Variants in SAR1A observed in about 807,000 individuals in gnomAD.
SAR1A encodes the protein secretion associated Ras related GTPase 1A.
A neutral mutation model predicts 22.6 loss-of-function variants in SAR1A; 6 were observed. That is an observed-to-expected ratio of 0.27 (90% confidence interval 0.15 to 0.52). SAR1A has a LOEUF of 0.52. SAR1A is among the 20% of genes least tolerant of loss of function. The pLI, the probability that SAR1A is intolerant of heterozygous loss-of-function variation, is 0.96. For synonymous variants in SAR1A, 70 were observed against 82.2 expected (o/e 0.85, Z 0.80); for missense variants, 145 against 245.1 (o/e 0.59, Z 2.73).
intron 5 of SAR1A, among the ~76,000 whole-genome samples, chr10:70,154,606 T>C (rs1339411505): frequency 6.6e-6 from 1 of 152,100 alleles, no homozygotes; most frequent in Non-Finnish European, 1.5e-5. Context: ...TACAGGCATG[T>C]GCTACCACGC....
chr10:70,158,697 A>G (rs188881690), intron 4 of SAR1A, among the ~76,000 whole-genome samples: 1 of 145,540 alleles, frequency 6.9e-6, no homozygotes, highest in Admixed American at 6.9e-5. Flanking sequence ...CCGTAGTTCT[A>G]TACTGATTTT....
At chr10:70,164,469 T>C (rs1839519529) in intron 1 of SAR1A, among the ~76,000 whole-genome samples, 2 of 152,318 alleles carry the variant, frequency 1.3e-5, no homozygotes, top group South Asian at 4.1e-4. Context: ...GGTGTTGAAG[T>C]ATGGAGTTGT....
chr10:70,152,314 C>A lies in SAR1A; in HGVS notation c.*162G>T. On this transcript the variant is annotated 3_prime_UTR_variant, in exon 7 of 7. Coordinates refer to ENST00000373241, the MANE Select transcript of SAR1A (RefSeq NM_020150.5). ...CCTCCCAACAGTGTGGAGAAGAGCA[C>A]ATGTCACCACTGGGCAATGAGAGAG... 2 of 895,766 alleles carry A rather than the reference C, an allele frequency of 2.2e-6. No individual in the cohort carries two copies. The highest frequency in any genetic ancestry group is 1.4e-5 in the South Asian group (1 of 70,210). 55.5% of individuals were successfully genotyped at this position (895,766 alleles called of 1,614,324 possible). A position where few individuals can be genotyped will look rare whatever the true frequency, so the allele number is the denominator to read the frequency against.
At chr10:70,161,238 A>G in intron 3 of SAR1A, 169 bp from the exon 4 acceptor site, 1 of 578,984 alleles carries the variant, frequency 1.7e-6, no homozygotes, top group East Asian at 3.0e-5. Context: ...TGAGGGCAGG[A>G]GGATAATCTG....
At chr10:70,154,561 G>A (rs374769417) in intron 5 of SAR1A, among the ~76,000 whole-genome samples, 1 of 150,650 alleles carries the variant, frequency 6.6e-6, no homozygotes, top group Non-Finnish European at 1.5e-5. Context: ...AGGTTCAAGC[G>A]ATTCTCCCAC....
chr10:70,170,302 A>G (rs1228647142), intron 1 of SAR1A, 111 bp downstream of exon 1: 1 of 101,832 alleles, frequency 9.8e-6, no homozygotes, highest in Non-Finnish European at 1.9e-5. Flanking sequence ...CCTGCGTGTC[A>G]CTTCCCCCCC....
Position 70,152,602 on chromosome 10 carries a change from G to A in SAR1A, c.481-10C>T, listed in dbSNP as rs1265940212. ...TCAGGGTCACATTCCCCTAAAGGAG[G>A]CAAAACCAAGAAAGGCCTGTTAGCA... is the stretch of plus-strand genomic sequence containing the variant. On this transcript the variant is annotated splice_polypyrimidine_tract_variant and intron_variant, in intron 6 of 6. Transcript: ENST00000373241. The A allele has an allele frequency of 6.4e-7, 1 of 1,570,932 alleles. No homozygotes were observed. The highest frequency in any genetic ancestry group is 8.8e-7 in the Non-Finnish European group (1 of 1,140,880).
At chr10:70,154,301 T>C (rs919595513) in intron 5 of SAR1A, among the ~76,000 whole-genome samples, 3 of 152,170 alleles carry the variant, frequency 2.0e-5, no homozygotes, top group African/African-American at 7.2e-5. Context: ...CAAAGTCCTA[T>C]AAGAATGAAT....
At chr10:70,157,533 G>C in intron 5 of SAR1A, 1 of 476,022 alleles carries the variant, frequency 2.1e-6, no homozygotes. Flanking sequence ...TATAATCACT[G>C]TATGATAGAA....
intron 3 of SAR1A, 54 bp downstream of exon 3, chr10:70,161,565 C>A: frequency 1.2e-6 from 2 of 1,600,406 alleles, no homozygotes; most frequent in Non-Finnish European, 1.7e-6. Flanking sequence ...TCATCCTCCA[C>A]GCCTAACACT....
rs1839330101 is a variant in SAR1A, at chr10:70,151,831, C to A, written c.*645G>T. The A allele has an allele frequency of 6.5e-6, 1 of 153,220 alleles. No homozygotes were observed. Among genetic ancestry groups the A allele is most frequent in the South Asian group, 2.1e-4 (1 of 4,876 alleles). The allele number at this position is 153,220 out of a possible 1,614,324, so 9.5% of individuals were successfully genotyped here. Reference sequence around the variant, plus strand: ...CCTAGCTTACCACAGTGGAAACCTGCCACAACTGCAAGGCCGGGGTTCTGC... The same window carrying A: ...CCTAGCTTACCACAGTGGAAACCTGACACAACTGCAAGGCCGGGGTTCTGC... On this transcript the variant is annotated 3_prime_UTR_variant, in exon 7 of 7. Coordinates refer to ENST00000373241, the MANE Select transcript of SAR1A (RefSeq NM_020150.5).
intron 1 of SAR1A, among the ~76,000 whole-genome samples, chr10:70,163,279 G>A (rs866454375): frequency 1.8e-4 from 27 of 152,222 alleles, no homozygotes; most frequent in Admixed American, 1.0e-3. Context: ...AAAAGCAAGT[G>A]CTGATGTAGA....
chr10:70,163,991 T>C, intron 1 of SAR1A: 1 of 1,104,020 alleles, frequency 9.1e-7, no homozygotes, highest in Non-Finnish European at 1.4e-6. Flanking sequence ...ATATTAGTGG[T>C]GTAGAACTTC....
chr10:70,158,008 A>G (rs1353487915), intron 4 of SAR1A, 141 bp from the exon 5 acceptor site: 3 of 600,268 alleles, frequency 5.0e-6, no homozygotes, highest in African/African-American at 1.9e-5. Context: ...TCTGGCCAGT[A>G]TTAATTCAGA....
At position 70,149,547 on chromosome 10, in the gene SAR1A, A is replaced by ATGTTT. The variant is rs1839302316; in HGVS notation, c.*2928_*2929insAAACA. 1.5e-5 allele frequency: 1 copy of ATGTTT among 68,036 alleles called. No individual in the cohort carries two copies. Among genetic ancestry groups the ATGTTT allele is most frequent in the South Asian group, 6.5e-4 (1 of 1,546 alleles). 4.2% of individuals were successfully genotyped at this position (68,036 alleles called of 1,614,324 possible). A position where few individuals can be genotyped will look rare whatever the true frequency, so the allele number is the denominator to read the frequency against. On this transcript the variant is annotated 3_prime_UTR_variant, in exon 7 of 7. Coordinates refer to ENST00000373241, the MANE Select transcript of SAR1A (RefSeq NM_020150.5). ...TTTTGCCAAATGTAGCATTTAATTGATTTTTTTTTTTTTTTTTTTTTTGAG... is the reference window on the plus strand; with the variant it reads ...TTTTGCCAAATGTAGCATTTAATTGATGTTTTTTTTTTTTTTTTTTTTTTTTTGAG...
At chr10:70,155,426 G>A (rs533253654) in intron 5 of SAR1A, among the ~76,000 whole-genome samples, 2 of 152,222 alleles carry the variant, frequency 1.3e-5, no homozygotes, top group East Asian at 3.9e-4. Flanking sequence ...GAGATAAAGA[G>A]GAATGTACTT....
chr10:70,165,612 G>C (rs189260549), intron 1 of SAR1A, among the ~76,000 whole-genome samples: 1 of 152,214 alleles, frequency 6.6e-6, no homozygotes, highest in Non-Finnish European at 1.5e-5. Flanking sequence ...AATGGATAAA[G>C]AGATGCTTCT....
intron 4 of SAR1A, 118 bp from the exon 5 acceptor site, chr10:70,157,985 G>T (rs2136713325): frequency 3.0e-6 from 2 of 658,350 alleles, no homozygotes; most frequent in African/African-American, 1.8e-5. Flanking sequence ...AGACTCTATG[G>T]ATTTCTCCAA....
chr10:70,165,467 C>T (rs1839535846), intron 1 of SAR1A, among the ~76,000 whole-genome samples: 1 of 151,970 alleles, frequency 6.6e-6, no homozygotes, highest in Admixed American at 6.6e-5. Flanking sequence ...GTGATTCCAA[C>T]CCTCGTGGAA....
Sources: allele counts gnomAD v4.1 joint callset (sites outside exome capture counted in the v4.1 genomes callset), GRCh38; gene constraint gnomAD v4.1.1; transcripts MANE v1.5; gene names NCBI Gene and HGNC (gene_info 2026-07-23, HGNC 2026-07-21).